FLG: variants seen among roughly 807,000 people sequenced by gnomAD.
FLG encodes the protein epidermal filaggrin.
A neutral mutation model predicts 3.8 loss-of-function variants in FLG; 6 were observed. The observed-to-expected ratio is 1.60, with a 90% CI of 0.87 to 3.15. The LOEUF (loss-of-function observed/expected upper bound fraction) is 3.15. Among genes scored for constraint, FLG ranks in the 30% most tolerant of loss-of-function variants. FLG has a pLI of 0.00. For synonymous variants in FLG, 2,551 were observed against 1,931.6 expected (o/e 1.32, Z -8.41); for missense variants, 7,595 against 5,050.9 (o/e 1.50, Z -15.27).
At position 152,303,436 on chromosome 1, in the gene FLG, T is replaced by C; in HGVS notation, c.11450A>G (p.Glu3817Gly). The C allele has an allele frequency of 6.2e-7, 1 of 1,614,084 alleles. No individual in the cohort carries two copies. ...GTGCCTGGAGCCGTCTCCTGACTGT[T>C]CCTCATTACGTGTTTCTCTGCTTGC... The part of the protein sequence containing the change: ...RSASRETRNE[E>G]QSGDGSRHSG... Residue 3817 changes from glutamate (E) to glycine (G), a missense_variant, in exon 3 of 3, where the codon GAA (glutamate) becomes GGA (glycine). Glu to Gly is a moderately conservative substitution (Grantham distance 98). Coordinates refer to ENST00000368799, the MANE Select transcript of FLG (RefSeq NM_002016.2).
rs757414270 is a variant in FLG, at chr1:152,313,042, C to T, written c.1844G>A (p.Arg615Lys). Residue 615 changes from arginine to lysine, a missense_variant, in exon 3 of 3, where the codon AGG (arginine) becomes AAG (lysine). Arg to Lys is a conservative substitution (Grantham distance 26, BLOSUM62 2). Coordinates refer to ENST00000368799, the MANE Select transcript of FLG (RefSeq NM_002016.2). ...QGQSSGPRTS[R>K]NQGSSVSQDS... ...CTGGCTAACACTGGATCCCTGGTTC[C>T]TACTTGTCCTGGGCCCCGATGATTG... 17 of 1,614,016 alleles carry T rather than the reference C, an allele frequency of 1.1e-5. No homozygotes were observed. The highest frequency in any genetic ancestry group is 1.4e-5 in the Non-Finnish European group (16 of 1,180,026).
chr1:152,314,195 C>T lies in FLG; in HGVS notation c.691G>A (p.Gly231Ser). The change falls in exon 3 of 3, where the codon GGC becomes AGC. Residue 231 changes from glycine to serine, a missense_variant. Physicochemically the swap from Gly to Ser is moderately conservative, Grantham distance 56 (BLOSUM62 0). Transcript: ENST00000368799. Reference protein sequence around the residue: ...GRMTQKWIQSGHIATYYTIQD... With the variant: ...GRMTQKWIQSSHIATYYTIQD... ...ATTGTGTAATATGTGGCAATATGGC[C>T]TGATTGTATCCATTTTTGAGTCATT... is the stretch of plus-strand genomic sequence containing the variant. 1 of 1,614,068 alleles carries T rather than the reference C, an allele frequency of 6.2e-7. No homozygotes were observed. The highest frequency in any genetic ancestry group is 8.5e-7 in the Non-Finnish European group (1 of 1,180,008).
chr1:152,304,991 C>G lies in FLG; in HGVS notation c.9895G>C (p.Gly3299Arg). ...SSHEQARSSP[G>R]ERHGSRHQQS... is the part of the protein sequence containing the mutation. ...TGGTGGCGGGATCCGTGTCTCTCTCCTGGACTTGATCTTGCCTGTTCATGG... is the reference window on the plus strand; with the variant it reads ...TGGTGGCGGGATCCGTGTCTCTCTCGTGGACTTGATCTTGCCTGTTCATGG... The change falls in exon 3 of 3, where the codon GGA (glycine) becomes CGA (arginine). Residue 3299 changes from glycine (G) to arginine (R), a missense_variant. Transcript: ENST00000368799. The G allele has an allele frequency of 6.2e-7, 1 of 1,613,860 alleles. No individual in the cohort carries two copies. Among genetic ancestry groups the G allele is most frequent in the South Asian group, 1.1e-5 (1 of 91,024 alleles).
chr1:152,307,215 G>A lies in FLG; in HGVS notation c.7671C>T (p.Pro2557=). The stretch of plus-strand genomic sequence containing the variant: ...TGGATCCCCAGTTCCTGCTTGTCCT[G>A]GGCCCCTCTGATTGTCCCTGGCCCA... ...SQVGQGQSEG[P]RTSRNWGSSF... is the part of the protein sequence containing the mutation. The change falls in exon 3 of 3, where the codon CCC becomes CCT. Residue 2557 remains proline, a synonymous_variant. Transcript: ENST00000368799. 2 of 1,612,816 alleles carry A rather than the reference G, an allele frequency of 1.2e-6. No homozygotes were observed. Among genetic ancestry groups the A allele is most frequent in the Non-Finnish European group, 1.7e-6 (2 of 1,179,994 alleles).
Position 152,302,889 on chromosome 1 carries a change from A to G in FLG, c.11997T>C (p.Val3999=). 6.2e-7 allele frequency: 1 copy of G among 1,614,174 alleles called. No homozygotes were observed. The highest frequency in any genetic ancestry group is 8.5e-7 in the Non-Finnish European group (1 of 1,180,006). The change falls in exon 3 of 3, where the codon GTT becomes GTC. Residue 3999 remains valine, a synonymous_variant. Coordinates refer to ENST00000368799, the MANE Select transcript of FLG (RefSeq NM_002016.2). ...AAACAACAGGATTGGAATTGTAACT[A>G]ACACTTCCGTGCTGAGAGTGTCTAA... ...SGFRHSQHGS[V]SYNSNPVVFK... is the part of the protein sequence containing the mutation.
rs140553951 is a variant in FLG at position 152,313,196 on chromosome 1, A to C, written c.1690T>G (p.Ser564Ala). 30 of 1,613,358 alleles carry C rather than the reference A, an allele frequency of 1.9e-5. No homozygotes were observed. In the African/African-American group the frequency reaches 3.2e-4, roughly 17 times the overall value. ...CGTGTTTGTCTGCTTGCACTTCTGG[A>C]TCCTGACTGCCCATGGGAGGCATCA... ...RSDASHGQSG[S>A]RSASRQTRNE... The change falls in exon 3 of 3, where the codon TCC (serine) becomes GCC (alanine). Residue 564 changes from serine (S) to alanine (A), a missense_variant. Ser to Ala is a moderately conservative substitution (Grantham distance 99). Coordinates refer to ENST00000368799, the MANE Select transcript of FLG (RefSeq NM_002016.2).
rs143084679 is a variant in FLG at position 152,319,927 on chromosome 1, G to A, written c.-21-4450C>T. Among the ~76,000 whole-genome samples, 218 of 151,340 alleles carry A rather than the reference G, an allele frequency of 1.4e-3. 3 individuals carry two copies. The highest frequency in any genetic ancestry group is 4.7e-3 in the African/African-American group (196 of 41,460). On this transcript the variant is annotated intron_variant, in intron 1 of 2. Transcript: ENST00000368799. ...ATATTGATTGCATAAAATAATAATA[G>A]TAATCTTTCAGGATTTAAGATAAAT...
Position 152,308,406 on chromosome 1 carries a change from C to T in FLG, c.6480G>A (p.Arg2160=), listed in dbSNP as rs778678972. 5.1e-5 allele frequency: 82 copies of T among 1,613,564 alleles called. No homozygotes were observed. The highest frequency in any genetic ancestry group is 6.4e-5 in the Non-Finnish European group (76 of 1,179,808). ...TGTGATGAGACCCTGAGTGTCCAGA[C>T]CTATCTACCGATTGCTCTTGGTGGG... ...QGSHQEQSVD[R]SGHSGSHHSH... is the part of the protein sequence containing the mutation. The change falls in exon 3 of 3, where the codon AGG becomes AGA. Residue 2160 remains arginine, a synonymous_variant. Transcript: ENST00000368799.
Position 152,311,855 on chromosome 1 carries a change from C to T in FLG, c.3031G>A (p.Glu1011Lys). 1.2e-6 allele frequency: 2 copies of T among 1,614,088 alleles called. No individual in the cohort carries two copies. Among genetic ancestry groups the T allele is most frequent in the Non-Finnish European group, 1.7e-6 (2 of 1,180,000 alleles). The part of the protein sequence containing the change: ...SSRQSGTPHA[E>K]TSSGGQAASS... ...GCAGCCTGTCCACCAGAGGAAGTCT[C>T]TGCGTGAGGAGTTCCTGATTGTCTG... The change falls in exon 3 of 3, where the codon GAG becomes AAG. Residue 1011 changes from glutamate (E) to lysine (K), a missense_variant. Physicochemically the swap from Glu to Lys is moderately conservative, Grantham distance 56. Coordinates refer to ENST00000368799, the MANE Select transcript of FLG (RefSeq NM_002016.2).
In FLG at chr1:152,309,257, C is replaced by T. The variant is rs759521635; in HGVS notation, c.5629G>A (p.Gly1877Ser). The T allele has an allele frequency of 2.9e-5, 47 of 1,613,294 alleles. No individual in the cohort carries two copies. The highest frequency in any genetic ancestry group is 1.7e-4 in the Middle Eastern group (1 of 6,060). Residue 1877 changes from glycine (G) to serine (S), a missense_variant, in exon 3 of 3, where the codon GGC (glycine) becomes AGC (serine). Gly to Ser is a moderately conservative substitution (Grantham distance 56). Coordinates refer to ENST00000368799, the MANE Select transcript of FLG (RefSeq NM_002016.2). ...TGACGCGACCCTGAGTGCCTGGAGC[C>T]GTCTCCTGATTGTTTCTCATTACGT... Reference protein sequence around the residue: ...QTRNEKQSGDGSRHSGSRHHE... With the variant: ...QTRNEKQSGDSSRHSGSRHHE...
rs760477147 is a variant in FLG at position 152,313,322 on chromosome 1, A to G, written c.1564T>C (p.Ser522Pro). 3.1e-6 allele frequency: 5 copies of G among 1,611,602 alleles called. No homozygotes were observed. The highest frequency in any genetic ancestry group is 1.4e-5 in the African/African-American group (1 of 74,030). ...GQDTIRGHPG[S>P]SRGGRQGSHH... ...GATCCCTGCCTTCCTCCTCTGCTTG[A>G]CCCCGGGTGTCCACGAATGGTGTCC... Residue 522 changes from serine to proline, a missense_variant, in exon 3 of 3, where the codon TCA becomes CCA. Ser to Pro is a moderately conservative substitution (Grantham distance 74). Transcript: ENST00000368799.
chr1:152,304,461 G>C lies in FLG; in HGVS notation c.10425C>G (p.Ala3475=). Residue 3475 remains alanine (A), a synonymous_variant, in exon 3 of 3, where the codon GCC becomes GCG. Coordinates refer to ENST00000368799, the MANE Select transcript of FLG (RefSeq NM_002016.2). ...SHTTSQGRSD[A]SRGQSGSRSA... ...TTCTGGATCCTGACTGCCCACGGGA[G>C]GCATCAGACCTTCCCTGGGATGTGG... The C allele has an allele frequency of 1.2e-6, 2 of 1,612,492 alleles. No individual in the cohort carries two copies. Among genetic ancestry groups the C allele is most frequent in the Admixed American group, 1.7e-5 (1 of 59,870 alleles).
chr1:152,312,328 T>C lies in FLG; in HGVS notation c.2558A>G (p.Gln853Arg), dbSNP rs1336981691. 2.5e-6 allele frequency: 4 copies of C among 1,613,336 alleles called. No individual in the cohort carries two copies. The highest frequency in any genetic ancestry group is 2.5e-6 in the Non-Finnish European group (3 of 1,179,798). ...GHPGSSRRGRQGSHHEQSVDR... is the reference protein window; with the variant it reads ...GHPGSSRRGRRGSHHEQSVDR... Reference sequence around the variant, plus strand: ...TACCGATTGCTCGTGGTGGGACCCCTGCCTTCCTCTTCTGCTTGACCCCGG... The same window carrying C: ...TACCGATTGCTCGTGGTGGGACCCCCGCCTTCCTCTTCTGCTTGACCCCGG... Residue 853 changes from glutamine to arginine, a missense_variant, in exon 3 of 3, where the codon CAG (glutamine) becomes CGG (arginine). Physicochemically the swap from Gln to Arg is conservative, Grantham distance 43. Transcript: ENST00000368799.
At position 152,308,609 on chromosome 1, in the gene FLG, G is replaced by T; in HGVS notation, c.6277C>A (p.Gln2093Lys). 2.5e-6 allele frequency: 4 copies of T among 1,614,122 alleles called. No homozygotes were observed. In the South Asian group the frequency reaches 4.4e-5, roughly 18 times the overall value. The change falls in exon 3 of 3, where the codon CAG (glutamine) becomes AAG (lysine). Residue 2093 changes from glutamine (Q) to lysine (K), a missense_variant. Gln to Lys is a moderately conservative substitution (Grantham distance 53, BLOSUM62 1). Coordinates refer to ENST00000368799, the MANE Select transcript of FLG (RefSeq NM_002016.2). Reference sequence around the variant, plus strand: ...TCAGACTGTTCATGAGTGCTCACCTGGTAGAGGAAAGACCCTGAACGTCCA... The same window carrying T: ...TCAGACTGTTCATGAGTGCTCACCTTGTAGAGGAAAGACCCTGAACGTCCA... ...SSGRSGSFLYQVSTHEQSEST... is the reference protein window; with the variant it reads ...SSGRSGSFLYKVSTHEQSEST...
At position 152,309,760 on chromosome 1, in the gene FLG, C is replaced by G; in HGVS notation, c.5126G>C (p.Ser1709Thr). ...GCTACCACTGGACCCTCGGTTTCCA[C>G]TGTCTCCGACTACAGATGAATCTTG... ...RRQDSSVVGD[S>T]GNRGSSGSQA... The change falls in exon 3 of 3, where the codon AGT (serine) becomes ACT (threonine). Residue 1709 changes from serine (S) to threonine (T), a missense_variant. Transcript: ENST00000368799. 1 of 1,614,056 alleles carries G rather than the reference C, an allele frequency of 6.2e-7. No homozygotes were observed. Among genetic ancestry groups the G allele is most frequent in the Non-Finnish European group, 8.5e-7 (1 of 1,180,010 alleles).
rs1652270847 is a variant in FLG at position 152,309,912 on chromosome 1, T to C, written c.4974A>G (p.Ala1658=). The part of the protein sequence containing the change: ...ESSRQSGTRH[A]ETSSGGQAAS... ...CAGCCTGTCCACCAGAGGAAGTCTC[T>C]GCATGACGAGTGCCTGATTGTCTGG... Residue 1658 remains alanine, a synonymous_variant, in exon 3 of 3, where the codon GCA becomes GCG. Transcript: ENST00000368799. 5.0e-6 allele frequency: 8 copies of C among 1,614,018 alleles called. No homozygotes were observed. The East Asian group carries it at 1.3e-4, about 27-fold the overall frequency.
In FLG at chr1:152,310,369, T is replaced by G. The variant is rs757004590; in HGVS notation, c.4517A>C (p.Glu1506Ala). Residue 1506 changes from glutamate (E) to alanine (A), a missense_variant, in exon 3 of 3, where the codon GAG becomes GCG. Physicochemically the swap from Glu to Ala is moderately radical, Grantham distance 107. Transcript: ENST00000368799. ...SRGGRQGSYH[E>A]QSVDRSGHSG... ...GTGTCCAGACCTATCTACTGATTGC[T>G]CGTGGTAGGATCCCTGCCTTCCTCC... 2 of 1,613,822 alleles carry G rather than the reference T, an allele frequency of 1.2e-6. No homozygotes were observed. The highest frequency in any genetic ancestry group is 1.7e-6 in the Non-Finnish European group (2 of 1,179,980).
rs145475870 is a variant in FLG at position 152,311,446 on chromosome 1, T to C, written c.3440A>G (p.Glu1147Gly). The change falls in exon 3 of 3, where the codon GAG becomes GGG. Residue 1147 changes from glutamate to glycine, a missense_variant. Transcript: ENST00000368799. Reference protein sequence around the residue: ...STGRRQGSHHEQARDSSRHSA... With the variant: ...STGRRQGSHHGQARDSSRHSA... ...GTGCCTGGAGCTGTCTCGTGCCTGC[T>C]CGTGGTGGGATCCTTGTCTTCGTCC... The C allele has an allele frequency of 2.7e-3, 4,394 of 1,613,944 alleles. 15 individuals carry two copies. Among genetic ancestry groups the C allele is most frequent in the Non-Finnish European group, 3.0e-3 (3,489 of 1,179,964 alleles).
rs151119613 is a variant in FLG at position 152,313,651 on chromosome 1, C to T, written c.1235G>A (p.Arg412His). Residue 412 changes from arginine (R) to histidine (H), a missense_variant, in exon 3 of 3, where the codon CGT (arginine) becomes CAT (histidine). Physicochemically the swap from Arg to His is conservative, Grantham distance 29 (BLOSUM62 0). Transcript: ENST00000368799. ...ACTACCGCTAGACCCCCGGTGTCCA[C>T]GATCGCTGACTGCAGATGAAGCTTG... ...RGQASSAVSDRGHRGSSGSQA... is the reference protein window; with the variant it reads ...RGQASSAVSDHGHRGSSGSQA... The T allele has an allele frequency of 3.7e-4, 595 of 1,614,116 alleles. No homozygotes were observed. Among genetic ancestry groups the T allele is most frequent in the South Asian group, 1.8e-3 (166 of 91,072 alleles).
Sources: gnomAD v4.1 joint callset for allele counts (sites outside exome capture counted in the v4.1 genomes callset) on GRCh38, gnomAD v4.1.1 for gene constraint, MANE v1.5 for transcripts, NCBI Gene and HGNC (gene_info 2026-07-23, HGNC 2026-07-21) for gene names.